Variants in FIGN observed in about 807,000 individuals in gnomAD.
The protein encoded by FIGN is fidgetin.
Under a neutral mutation model 51.3 loss-of-function variants are expected in FIGN, and 11 were observed. The ratio of observed to expected loss-of-function variants is 0.21; its 90% CI spans 0.13 to 0.35. The LOEUF is 0.35. Among genes scored for constraint, FIGN ranks in the 10% least tolerant of loss-of-function variants. FIGN has a pLI of 1.00. For synonymous variants in FIGN, 407 were observed against 363.2 expected (o/e 1.12, Z -1.37); for missense variants, 857 against 943.6 (o/e 0.91, Z 1.20).
chr2:163,621,198 A>G (rs1682966350), intron 2 of FIGN, among the ~76,000 whole-genome samples: 1 of 152,174 alleles, frequency 6.6e-6, no homozygotes, highest in Non-Finnish European at 1.5e-5. Flanking sequence ...CTGTTCAACC[A>G]TTCTCCTTAA....
chr2:163,640,979 T>TA (rs1683296960), intron 2 of FIGN, among the ~76,000 whole-genome samples: 1 of 152,166 alleles, frequency 6.6e-6, no homozygotes, highest in Non-Finnish European at 1.5e-5. Context: ...AACCCACAGC[T>TA]AGCCAGGGAG....
At chr2:163,617,201 GA>G in intron 2 of FIGN, 1 of 984,976 alleles carries the variant, frequency 1.0e-6, no homozygotes, top group Middle Eastern at 5.2e-4. Context: ...AACAGAAAGG[GA>G]AAAAAGTGAG....
intron 2 of FIGN, among the ~76,000 whole-genome samples, chr2:163,698,048 A>G (rs1285642173): frequency 6.6e-6 from 1 of 152,162 alleles, no homozygotes; most frequent in African/African-American, 2.4e-5. Flanking sequence ...CTCAGAGAGC[A>G]TGAGCTTTGG....
At chr2:163,650,575 G>C (rs1683457402) in intron 2 of FIGN, among the ~76,000 whole-genome samples, 1 of 149,394 alleles carries the variant, frequency 6.7e-6, no homozygotes, top group African/African-American at 2.4e-5. Context: ...AGTGTGAGAT[G>C]TTCCCCTCCC....
chr2:163,695,414 T>C (rs1472575397), intron 2 of FIGN, among the ~76,000 whole-genome samples: 1 of 152,172 alleles, frequency 6.6e-6, no homozygotes, highest in Non-Finnish European at 1.5e-5. Flanking sequence ...CCACCTTCTC[T>C]TATTAGTGAT....
intron 2 of FIGN, among the ~76,000 whole-genome samples, chr2:163,622,979 C>T (rs1049323240): frequency 6.6e-6 from 1 of 152,174 alleles, no homozygotes; most frequent in Non-Finnish European, 1.5e-5. Flanking sequence ...CTCTTTAAAT[C>T]ATGTGCCTCT....
At chr2:163,729,890 A>G (rs1684898452) in intron 2 of FIGN, among the ~76,000 whole-genome samples, 1 of 152,240 alleles carries the variant, frequency 6.6e-6, no homozygotes, top group Admixed American at 6.5e-5. Context: ...GCAAAGTGTC[A>G]ATATTCAAAT....
At chr2:163,657,526 G>A (rs138287744) in intron 2 of FIGN, among the ~76,000 whole-genome samples, 3 of 152,006 alleles carry the variant, frequency 2.0e-5, no homozygotes, top group African/African-American at 7.2e-5. Flanking sequence ...GTGTGTGTGT[G>A]TGTGTGCATG....
chr2:163,702,160 G>A (rs191653012), intron 2 of FIGN, among the ~76,000 whole-genome samples: 10 of 152,206 alleles, frequency 6.6e-5, no homozygotes, highest in African/African-American at 1.7e-4. Flanking sequence ...ACCATGAAGC[G>A]TAATGAAGCT....
At chr2:163,644,329 G>T (rs1024513596) in intron 2 of FIGN, among the ~76,000 whole-genome samples, 6 of 152,138 alleles carry the variant, frequency 3.9e-5, no homozygotes, top group African/African-American at 1.4e-4. Flanking sequence ...CACATGAAAA[G>T]ATGCTGGACA....
intron 2 of FIGN, among the ~76,000 whole-genome samples, chr2:163,642,439 ACCTTAGCTTAC>A (rs1272670383): frequency 1.3e-5 from 2 of 152,228 alleles, no homozygotes; most frequent in East Asian, 3.8e-4. Context: ...ACAAAGAGTT[ACCTTAGCTTAC>A]CCTTAGGTTT....
intron 2 of FIGN, among the ~76,000 whole-genome samples, chr2:163,726,689 A>T (rs1449031355): frequency 6.6e-6 from 1 of 152,072 alleles, no homozygotes; most frequent in Non-Finnish European, 1.5e-5. Flanking sequence ...ATATCTATGC[A>T]CATGCACAAG....
At chr2:163,717,707 T>G (rs1256783854) in intron 2 of FIGN, among the ~76,000 whole-genome samples, 1 of 152,168 alleles carries the variant, frequency 6.6e-6, no homozygotes, top group African/African-American at 2.4e-5. Flanking sequence ...AACACTGGAT[T>G]GCATTGTGGA....
chr2:163,679,279 G>A (rs940415235), intron 2 of FIGN, among the ~76,000 whole-genome samples: 3 of 152,112 alleles, frequency 2.0e-5, no homozygotes, highest in African/African-American at 4.8e-5. Flanking sequence ...AGATCACGAG[G>A]TCAGGAGATC....
At chr2:163,686,777 T>TACACAC (rs151050116) in intron 2 of FIGN, among the ~76,000 whole-genome samples, 1,613 of 146,288 alleles carry the variant, frequency 0.011, 34 homozygotes, top group African/African-American at 0.038. Flanking sequence ...TATATACACA[T>TACACAC]ACACACACAC....
At chr2:163,648,153 C>T (rs1683412411) in intron 2 of FIGN, among the ~76,000 whole-genome samples, 2 of 152,022 alleles carry the variant, frequency 1.3e-5, no homozygotes, top group African/African-American at 4.8e-5. Context: ...CAACCCCAGC[C>T]CCACTGCCTG....
chr2:163,733,118 C>A (rs1163929602), intron 2 of FIGN, among the ~76,000 whole-genome samples: 1 of 152,090 alleles, frequency 6.6e-6, no homozygotes, highest in Admixed American at 6.5e-5. Context: ...AACTTTCACC[C>A]CTAGAATTCT....
intron 2 of FIGN, among the ~76,000 whole-genome samples, chr2:163,690,098 T>C (rs975770288): frequency 3.9e-5 from 6 of 152,132 alleles, no homozygotes; most frequent in Non-Finnish European, 7.4e-5. Flanking sequence ...GATGGTCAAA[T>C]TGGGCCTATG....
intron 2 of FIGN, among the ~76,000 whole-genome samples, chr2:163,701,525 C>A (rs1684407049): frequency 1.3e-5 from 2 of 152,146 alleles, no homozygotes; most frequent in South Asian, 4.1e-4. Flanking sequence ...GGATGGTTCC[C>A]TGGAAACCAA....
Sources: gnomAD v4.1 joint callset for allele counts (sites outside exome capture counted in the v4.1 genomes callset) on GRCh38, gnomAD v4.1.1 for gene constraint, MANE v1.5 for transcripts, NCBI Gene and HGNC (gene_info 2026-07-23, HGNC 2026-07-21) for gene names.